The following GBE1 variants were observed in gnomAD, a reference collection of about 807,000 sequenced individuals.
GBE1 encodes 1,4-alpha-glucan branching enzyme 1.
GBE1 carries 70 observed loss-of-function variants against 88.8 expected under a neutral mutation model. The observed-to-expected ratio is 0.79, with a 90% CI of 0.65 to 0.96. GBE1 has a LOEUF of 0.96. Ranked by LOEUF, GBE1 falls within the 40% of genes least tolerant of loss-of-function variation. The pLI is 0.00. For synonymous variants in GBE1, 284 were observed against 300.1 expected (o/e 0.95, Z 0.56); for missense variants, 872 against 871.0 (o/e 1.00, Z -0.01).
At chr3:81,591,384 A>G (rs1703875294) in intron 8 of GBE1, among the ~76,000 whole-genome samples, 1 of 152,174 alleles carries the variant, frequency 6.6e-6, no homozygotes, top group African/African-American at 2.4e-5. Context: ...ATGCACACGC[A>G]TGAGAAAAAC....
intron 12 of GBE1, among the ~76,000 whole-genome samples, chr3:81,574,871 A>G (rs1703623417): frequency 6.6e-6 from 1 of 152,190 alleles, no homozygotes; most frequent in South Asian, 2.1e-4. Flanking sequence ...TGTTTTAGAA[A>G]GTATAGAATG....
intron 9 of GBE1, among the ~76,000 whole-genome samples, chr3:81,587,452 C>T (rs1703816892): frequency 6.6e-6 from 1 of 152,124 alleles, no homozygotes; most frequent in Non-Finnish European, 1.5e-5. Context: ...ATACTAACTG[C>T]TGCCAAATTC....
intron 14 of GBE1, among the ~76,000 whole-genome samples, chr3:81,515,666 A>G (rs1702788673): frequency 6.6e-6 from 1 of 151,686 alleles, no homozygotes. Flanking sequence ...GAGACAGGAC[A>G]AAGGCTAGGT....
chr3:81,699,706 G>A (rs1192402986), intron 2 of GBE1, among the ~76,000 whole-genome samples: 1 of 152,022 alleles, frequency 6.6e-6, no homozygotes, highest in Non-Finnish European at 1.5e-5. Context: ...ATATTCACTG[G>A]CAGCTGATTA....
At chr3:81,621,748 A>ACATTT (rs1365349546) in intron 7 of GBE1, among the ~76,000 whole-genome samples, 1 of 152,140 alleles carries the variant, frequency 6.6e-6, no homozygotes, top group African/African-American at 2.4e-5. Flanking sequence ...GAATCCTATC[A>ACATTT]CATTTCCTTA....
At chr3:81,736,299 A>C (rs1458663716) in intron 1 of GBE1, among the ~76,000 whole-genome samples, 2 of 152,220 alleles carry the variant, frequency 1.3e-5, no homozygotes, top group African/African-American at 2.4e-5. Flanking sequence ...AGAAACGTTA[A>C]GGGATCTCAA....
Position 81,591,067 on chromosome 3 carries a change from C to T in GBE1, c.1206G>A (p.Thr402=), listed in dbSNP as rs764245033. 8 of 1,609,302 alleles carry T rather than the reference C, an allele frequency of 5.0e-6. No homozygotes were observed. The highest frequency in any genetic ancestry group is 2.2e-5 in the East Asian group (1 of 44,684). The change falls in exon 9 of 16, where the codon ACG becomes ACA. Residue 402 remains threonine, a synonymous_variant. Coordinates refer to ENST00000429644, the MANE Select transcript of GBE1 (RefSeq NM_000158.4). ...YLMLANHLVH[T]LCPDSITIAE... is the part of the protein sequence containing the mutation. ...CTATTGTTATAGAATCGGGACACAG[C>T]GTGTGAACCAAATGATTTGCCAACA...
intron 3 of GBE1, among the ~76,000 whole-genome samples, chr3:81,659,341 T>A (rs1224136846): frequency 3.3e-5 from 5 of 151,702 alleles, no homozygotes; most frequent in African/African-American, 4.8e-5. Flanking sequence ...TTTTTATTTT[T>A]TTTTTATTTT....
chr3:81,729,678 A>G (rs1335443484), intron 1 of GBE1, among the ~76,000 whole-genome samples: 2 of 152,170 alleles, frequency 1.3e-5, no homozygotes, highest in Admixed American at 1.3e-4. Flanking sequence ...CCTCTTAGAC[A>G]TCAGATGAAC....
intron 5 of GBE1, among the ~76,000 whole-genome samples, chr3:81,647,709 G>T (rs9878273): frequency 0.094 from 14,315 of 152,084 alleles, 1,368 homozygotes; most frequent in African/African-American, 0.24. Context: ...TAAGCTCATT[G>T]TTAATGGCAG....
intron 1 of GBE1, among the ~76,000 whole-genome samples, chr3:81,738,241 G>T (rs1181784652): frequency 6.6e-6 from 1 of 151,396 alleles, no homozygotes; most frequent in Non-Finnish European, 1.5e-5. Context: ...ATAGCAGCAT[G>T]ATTTATAGTC....
intron 1 of GBE1, among the ~76,000 whole-genome samples, chr3:81,717,844 A>G (rs1391495511): frequency 6.6e-6 from 1 of 152,202 alleles, no homozygotes; most frequent in Non-Finnish European, 1.5e-5. Flanking sequence ...ACAAAAACCA[A>G]AAAGTACATA....
intron 12 of GBE1, among the ~76,000 whole-genome samples, chr3:81,542,878 T>C (rs1703159997): frequency 6.6e-6 from 1 of 152,010 alleles, no homozygotes; most frequent in Non-Finnish European, 1.5e-5. Flanking sequence ...AAAAAGTAAC[T>C]AATTTTTAAA....
At chr3:81,660,656 G>A (rs578214849) in intron 3 of GBE1, among the ~76,000 whole-genome samples, 1 of 151,906 alleles carries the variant, frequency 6.6e-6, no homozygotes, top group South Asian at 2.1e-4. Context: ...GTCACGTGGG[G>A]AAATGTAATG....
At chr3:81,568,868 A>G (rs1703533665) in intron 12 of GBE1, among the ~76,000 whole-genome samples, 1 of 152,270 alleles carries the variant, frequency 6.6e-6, no homozygotes, top group South Asian at 2.1e-4. Context: ...AAATGGAGAG[A>G]TAACATTTAT....
chr3:81,761,338 G>A (rs1177474124), intron 1 of GBE1, 37 bp downstream of exon 1: 5 of 1,576,966 alleles, frequency 3.2e-6, no homozygotes, highest in South Asian at 1.1e-5. Flanking sequence ...GAGGCGGGCT[G>A]CCTGTCTAAG....
intron 1 of GBE1, among the ~76,000 whole-genome samples, chr3:81,750,629 AC>A (rs1706505925): frequency 2.5e-5 from 1 of 40,280 alleles, no homozygotes; most frequent in Non-Finnish European, 4.0e-5. Context: ...ATATATATAT[AC>A]GTATATATAT....
intron 14 of GBE1, among the ~76,000 whole-genome samples, chr3:81,524,667 TC>T (rs1702920683): frequency 6.6e-6 from 1 of 151,966 alleles, no homozygotes; most frequent in African/African-American, 2.4e-5. Flanking sequence ...GAAGAAACTG[TC>T]CTTTCCCCAT....
chr3:81,604,401 C>A (rs1704077512), intron 7 of GBE1, among the ~76,000 whole-genome samples: 1 of 151,010 alleles, frequency 6.6e-6, no homozygotes, highest in African/African-American at 2.4e-5. Flanking sequence ...TATCCTCTCA[C>A]CTCAGCCCCC....
Sources: gnomAD v4.1 joint callset for allele counts (sites outside exome capture counted in the v4.1 genomes callset) on GRCh38, gnomAD v4.1.1 for gene constraint, MANE v1.5 for transcripts, NCBI Gene and HGNC (gene_info 2026-07-23, HGNC 2026-07-21) for gene names.